Variants in PCDHA11 observed in about 807,000 individuals in gnomAD.
PCDHA11 encodes the protein protocadherin alpha-11.
In PCDHA11, 61 loss-of-function variants were observed where a neutral mutation model predicts 70.3. The observed-to-expected ratio is 0.87, with a 90% CI of 0.71 to 1.07. The LOEUF (loss-of-function observed/expected upper bound fraction) is 1.07. Among genes scored for constraint, PCDHA11 ranks in the 50% least tolerant of loss-of-function variants. The probability of loss-of-function intolerance (pLI) is 0.00; values close to 1 mark genes in which losing one functional copy is unlikely to be tolerated. For missense variants in PCDHA11, 1,324 were observed against 1,237.5 expected (o/e 1.07, Z -1.05); for synonymous variants, 633 against 555.1 (o/e 1.14, Z -1.97).
chr5:140,875,306 C>T, intron 1 of PCDHA11: 1 of 1,420,166 alleles, frequency 7.0e-7, no homozygotes, highest in Admixed American at 2.9e-5. Context: ...TTCTCCGCAC[C>T]CACATTCCAA....
intron 1 of PCDHA11, chr5:140,877,449 G>A: frequency 1.2e-6 from 2 of 1,613,848 alleles, no homozygotes; most frequent in Non-Finnish European, 1.7e-6. Flanking sequence ...AGCCCGCGCT[G>A]ACGTCCACGG....
intron 1 of PCDHA11, among the ~76,000 whole-genome samples, chr5:140,920,232 A>C (rs1463016764): frequency 6.6e-6 from 1 of 152,232 alleles, no homozygotes; most frequent in African/African-American, 2.4e-5. Flanking sequence ...ATAGTATTAT[A>C]TACCCAACAA....
intron 1 of PCDHA11, among the ~76,000 whole-genome samples, chr5:140,924,539 C>T (rs1554201995): frequency 6.6e-6 from 1 of 152,050 alleles, no homozygotes; most frequent in African/African-American, 2.4e-5. Flanking sequence ...CCGAGCTACC[C>T]CTCTCCCCAC....
chr5:140,977,074 T>C (rs1315038002), intron 1 of PCDHA11, among the ~76,000 whole-genome samples: 1 of 152,244 alleles, frequency 6.6e-6, no homozygotes, highest in Admixed American at 6.5e-5. Flanking sequence ...AATAGCAGCA[T>C]GACAAATTAA....
In PCDHA11 at chr5:141,006,221, T is replaced by C. The variant is rs559314025; in HGVS notation, c.2540-3406T>C. Among the ~76,000 whole-genome samples, 485 of 152,162 alleles carry C rather than the reference T, an allele frequency of 3.2e-3. 7 individuals carry two copies. The highest frequency in any genetic ancestry group is 0.01 in the Middle Eastern group (3 of 294). On this transcript the variant is annotated intron_variant, in intron 3 of 3. Transcript: ENST00000398640. Reference sequence around the variant, plus strand: ...GTTATGCCTCATTTTTTTTTAAATTTTTTATTTTTAGATGGAGTCTTGCTC... The same window carrying C: ...GTTATGCCTCATTTTTTTTTAAATTCTTTATTTTTAGATGGAGTCTTGCTC...
intron 1 of PCDHA11, among the ~76,000 whole-genome samples, chr5:140,917,167 ATGG>A (rs1237150759): frequency 6.6e-6 from 1 of 152,160 alleles, no homozygotes; most frequent in African/African-American, 2.4e-5. Flanking sequence ...GGGAGGGGTG[ATGG>A]TGGTGATCCC....
chr5:140,900,566 G>A (rs1554189260), intron 1 of PCDHA11, among the ~76,000 whole-genome samples: 1 of 152,054 alleles, frequency 6.6e-6, no homozygotes, highest in Non-Finnish European at 1.5e-5. Flanking sequence ...CGTGAGCCAC[G>A]GCACCGGCCC....
chr5:140,895,692 A>G (rs1367486030), intron 1 of PCDHA11, among the ~76,000 whole-genome samples: 1 of 152,138 alleles, frequency 6.6e-6, no homozygotes, highest in African/African-American at 2.4e-5. Flanking sequence ...CTGTTTCTAT[A>G]TTAATTCACT....
At chr5:140,872,797 C>T (rs2153276720) in intron 1 of PCDHA11, among the ~76,000 whole-genome samples, 1 of 152,196 alleles carries the variant, frequency 6.6e-6, no homozygotes, top group South Asian at 2.1e-4. Flanking sequence ...AGTTGGCATT[C>T]TTCCATAAGT....
At chr5:140,933,458 C>G (rs1040429377) in intron 1 of PCDHA11, among the ~76,000 whole-genome samples, 2 of 151,968 alleles carry the variant, frequency 1.3e-5, no homozygotes, top group Non-Finnish European at 2.9e-5. Flanking sequence ...TCAAAATATA[C>G]TCTGAATTCA....
At chr5:140,884,014 G>A (rs1582743653) in intron 1 of PCDHA11, 1 of 1,613,168 alleles carries the variant, frequency 6.2e-7, no homozygotes, top group Non-Finnish European at 8.5e-7. Context: ...AGCTGATGCC[G>A]CGGTCGGTGG....
rs782046462 is a variant in PCDHA11, at chr5:140,871,269, G to C, written c.2166G>C (p.Trp722Cys). ...TGCTGCTGTATACGGCGCTGTGGTGGTCGGCAACGCCCACTGAGGGCGCGT... is the reference window on the plus strand; with the variant it reads ...TGCTGCTGTATACGGCGCTGTGGTGCTCGGCAACGCCCACTGAGGGCGCGT... ...LTLLLYTALW[W>C]SATPTEGACA... Residue 722 changes from tryptophan (W) to cysteine (C), a missense_variant, in exon 1 of 4, where the codon TGG becomes TGC. Transcript: ENST00000398640. 8 of 1,613,822 alleles carry C rather than the reference G, an allele frequency of 5.0e-6. No homozygotes were observed. Among genetic ancestry groups the C allele is most frequent in the Admixed American group, 1.7e-5 (1 of 60,000 alleles).
chr5:140,994,772 G>C (rs2097648880), intron 3 of PCDHA11, among the ~76,000 whole-genome samples: 2 of 152,118 alleles, frequency 1.3e-5, no homozygotes, highest in Non-Finnish European at 1.5e-5. Context: ...GAGAATTCCA[G>C]GCAAAGGAAA....
chr5:140,936,547 A>G (rs1554211059), intron 1 of PCDHA11, among the ~76,000 whole-genome samples: 1 of 152,240 alleles, frequency 6.6e-6, no homozygotes, highest in East Asian at 1.9e-4. Context: ...AGTGCAATGT[A>G]GAAGTCAAGA....
At chr5:141,009,167 G>A (rs2098401919) in intron 3 of PCDHA11, among the ~76,000 whole-genome samples, 1 of 152,180 alleles carries the variant, frequency 6.6e-6, no homozygotes, top group African/African-American at 2.4e-5. Flanking sequence ...TGTAAATACT[G>A]GCCTTGGCTG....
intron 1 of PCDHA11, among the ~76,000 whole-genome samples, chr5:140,924,969 A>C (rs781957377): frequency 5.3e-5 from 8 of 151,756 alleles, no homozygotes. Flanking sequence ...AGGTGAGTGC[A>C]GTGGCTCATG....
At chr5:140,952,962 C>A (rs246032) in intron 1 of PCDHA11, among the ~76,000 whole-genome samples, 85,448 of 151,620 alleles carry the variant, frequency 0.56, 24,697 homozygotes, top group African/African-American at 0.69. Context: ...GGAAGTGATA[C>A]ACACTTTTAA....
In PCDHA11 at chr5:140,936,310, T is replaced by C. The variant is rs541948860; in HGVS notation, c.2392-42639T>C. 5.3e-5 allele frequency among the ~76,000 whole-genome samples: 8 copies of C among 152,318 alleles called. No individual in the cohort carries two copies. The South Asian group carries it at 1.4e-3, about 28-fold the overall frequency. ...TATAACATTGCTATCCAATAGAACT[T>C]TCTGACATGCTATAAATTTTCTCTA... On this transcript the variant is annotated intron_variant, in intron 1 of 3. Transcript: ENST00000398640.
At chr5:140,926,923 T>G in intron 1 of PCDHA11, 1 of 1,571,554 alleles carries the variant, frequency 6.4e-7, no homozygotes. Flanking sequence ...AGTTTTATGT[T>G]TGTGGGTTTC....
Sources: gnomAD v4.1 joint callset for allele counts (sites outside exome capture counted in the v4.1 genomes callset) on GRCh38, gnomAD v4.1.1 for gene constraint, MANE v1.5 for transcripts, NCBI Gene and HGNC (gene_info 2026-07-23, HGNC 2026-07-21) for gene names.